Variants in SREK1 observed in about 807,000 individuals in gnomAD.
SREK1 encodes splicing regulatory glutamic acid and lysine rich protein 1, also known as splicing regulatory glutamine/lysine-rich protein 1.
A neutral mutation model predicts 66.5 loss-of-function variants in SREK1; 13 were observed. The ratio of observed to expected loss-of-function variants is 0.20; its 90% CI spans 0.13 to 0.31. The LOEUF is 0.31. SREK1 is among the 10% of genes least tolerant of loss of function. The pLI, the probability that SREK1 is intolerant of heterozygous loss-of-function variation, is 1.00. For synonymous variants in SREK1, 265 were observed against 263.5 expected (o/e 1.01, Z -0.05); for missense variants, 607 against 769.6 (o/e 0.79, Z 2.50).
chr5:66,163,724 A>C, intron 5 of SREK1, 68 bp from the exon 6 acceptor site: 1 of 1,511,368 alleles, frequency 6.6e-7, no homozygotes, highest in South Asian at 1.2e-5. Flanking sequence ...TGTGTATCAT[A>C]TAAATGTTTG....
At chr5:66,154,580 A>C (rs929016041) in intron 2 of SREK1, among the ~76,000 whole-genome samples, 12 of 152,324 alleles carry the variant, frequency 7.9e-5, no homozygotes, top group African/African-American at 2.9e-4. Context: ...ATAATATATA[A>C]TAAGCAGTTT....
chr5:66,170,244 T>C, intron 8 of SREK1, 74 bp downstream of exon 8: 1 of 1,476,602 alleles, frequency 6.8e-7, no homozygotes, highest in South Asian at 1.4e-5. Context: ...AATATTTTAA[T>C]TGGCTTCATT....
At chr5:66,175,874 T>G (rs1252232753) in intron 10 of SREK1, among the ~76,000 whole-genome samples, 6 of 152,194 alleles carry the variant, frequency 3.9e-5, no homozygotes, top group African/African-American at 1.4e-4. Flanking sequence ...ATAAATAACA[T>G]TCTCAGTTTG....
intron 9 of SREK1, 129 bp downstream of exon 9, chr5:66,171,076 C>A: frequency 8.8e-7 from 1 of 1,142,046 alleles, no homozygotes; most frequent in Non-Finnish European, 1.2e-6. Context: ...ACATTTTCTC[C>A]TAATTTCAGA....
intron 10 of SREK1, 186 bp from the exon 11 acceptor site, chr5:66,177,325 AACT>A (rs1425106553): frequency 6.7e-6 from 3 of 448,692 alleles, no homozygotes; most frequent in Non-Finnish European, 1.2e-5. Flanking sequence ...TTAAGAAACT[AACT>A]GGGGTAAGGG....
chr5:66,147,185 G>A (rs1743314743), intron 1 of SREK1, among the ~76,000 whole-genome samples: 1 of 152,164 alleles, frequency 6.6e-6, no homozygotes, highest in Admixed American at 6.5e-5. Flanking sequence ...TTTAAGGCTA[G>A]GGAATTCTTG....
rs145120426 is a variant in SREK1 at position 66,154,108 on chromosome 5, T to C, written c.295+512T>C. Among the ~76,000 whole-genome samples the C allele has an allele frequency of 4.2e-3, 646 of 152,278 alleles. 3 individuals carry two copies. The highest frequency in any genetic ancestry group is 0.015 in the African/African-American group (626 of 41,550). On this transcript the variant is annotated intron_variant, in intron 2 of 11. Transcript: ENST00000334121. Reference sequence around the variant, plus strand: ...TTTATATTCAATGTAATTGTTTGCTTTGCAACTGGAATTTAATGTTTTCTT... The same window carrying C: ...TTTATATTCAATGTAATTGTTTGCTCTGCAACTGGAATTTAATGTTTTCTT...
At chr5:66,144,666 CCCATATTTGATTAGGG>C in intron 1 of SREK1, 129 bp downstream of exon 1, 1 of 1,404,932 alleles carries the variant, frequency 7.1e-7, no homozygotes, top group Non-Finnish European at 9.3e-7. Context: ...TACCTTGGTG[CCCATATTTGATTAGGG>C]CACCCGGGTT....
chr5:66,169,232 T>A (rs1276542988), intron 7 of SREK1: 1 of 152,218 alleles, frequency 6.6e-6, no homozygotes, highest in Non-Finnish European at 1.5e-5. Flanking sequence ...CAGTTACTTT[T>A]CCTGCAATTA....
intron 7 of SREK1, chr5:66,169,227 A>C: frequency 4.6e-5 from 7 of 152,374 alleles, no homozygotes. Flanking sequence ...AATAACAGTT[A>C]CTTTTCCTGC....
intron 2 of SREK1, chr5:66,158,926 A>C (rs1277741451): frequency 1.5e-6 from 2 of 1,308,060 alleles, no homozygotes; most frequent in Non-Finnish European, 2.0e-6. Flanking sequence ...TTAAGTTTCC[A>C]GTACAGGTGA....
rs1006337576 is a variant in SREK1, at chr5:66,179,030, A to T, written c.*162A>T. 2 of 659,092 alleles carry T rather than the reference A, an allele frequency of 3.0e-6. No individual in the cohort carries two copies. The highest frequency in any genetic ancestry group is 9.8e-5 in the South Asian group (2 of 20,360). 40.8% of individuals were successfully genotyped at this position (659,092 alleles called of 1,614,324 possible). A position where few individuals can be genotyped will look rare whatever the true frequency, so the allele number is the denominator to read the frequency against. ...CTTTGTGGCCATCTTGTTATTGAGTAAGAAAATAAAGCATGGACATCATGA... is the reference window on the plus strand; with the variant it reads ...CTTTGTGGCCATCTTGTTATTGAGTTAGAAAATAAAGCATGGACATCATGA... On this transcript the variant is annotated 3_prime_UTR_variant, in exon 12 of 12. Coordinates refer to ENST00000334121, the MANE Select transcript of SREK1 (RefSeq NM_001077199.3).
intron 9 of SREK1, among the ~76,000 whole-genome samples, chr5:66,174,098 A>G (rs4700094): frequency 0.12 from 17,688 of 148,996 alleles, 1,299 homozygotes; most frequent in Admixed American, 0.22. Flanking sequence ...TTTTTTAGCT[A>G]TGTGGTCACT....
chr5:66,149,349 CAAAAA>C (rs59361484), intron 1 of SREK1, among the ~76,000 whole-genome samples: 2 of 142,228 alleles, frequency 1.4e-5, no homozygotes, highest in African/African-American at 5.1e-5. Context: ...AACTCTGTCT[CAAAAA>C]AAAAAGGAAA....
At chr5:66,171,485 A>G (rs1300356606) in intron 9 of SREK1, among the ~76,000 whole-genome samples, 1 of 152,164 alleles carries the variant, frequency 6.6e-6, no homozygotes, top group Non-Finnish European at 1.5e-5. Flanking sequence ...TAGCTTTACT[A>G]CCACCAGGTG....
chr5:66,154,100 T>G (rs1744082085), intron 2 of SREK1, among the ~76,000 whole-genome samples: 1 of 152,210 alleles, frequency 6.6e-6, no homozygotes, highest in South Asian at 2.1e-4. Flanking sequence ...TCAATGTAAT[T>G]GTTTGCTTTG....
chr5:66,166,373 T>C (rs1001725748), intron 7 of SREK1: 1 of 152,236 alleles, frequency 6.6e-6, no homozygotes, highest in African/African-American at 2.4e-5. Context: ...TGTTGTTTCT[T>C]TGATCATCTA....
chr5:66,152,987 C>A lies in SREK1; in HGVS notation c.162-476C>A, dbSNP rs75330742. 0.018 allele frequency among the ~76,000 whole-genome samples: 2,754 copies of A among 152,182 alleles called. 202 individuals are homozygous for A. The East Asian group carries it at 0.21, about 12-fold the overall frequency. ...GTCCAGCTCTGGTGTATGCAAAATA[C>A]CTCAATTTAAATTCCATACTACCTG... On this transcript the variant is annotated intron_variant, in intron 1 of 11. Transcript: ENST00000334121.
In SREK1 at chr5:66,182,942, A is replaced by G. The variant is rs7706313; in HGVS notation, c.*4074A>G. 6.6e-6 allele frequency: 1 copy of G among 152,182 alleles called. No individual in the cohort carries two copies. The highest frequency in any genetic ancestry group is 1.5e-5 in the Non-Finnish European group (1 of 68,044). The allele number at this position is 152,182 out of a possible 1,614,324, so 9.4% of individuals were successfully genotyped here. On this transcript the variant is annotated 3_prime_UTR_variant, in exon 12 of 12. Transcript: ENST00000334121. ...TTCAGTCAGTTGGATTTAGTAACTA[A>G]TAACTAGCTTTCTTCCATTCTAAGG...
Sources: allele counts gnomAD v4.1 joint callset (sites outside exome capture counted in the v4.1 genomes callset), GRCh38; gene constraint gnomAD v4.1.1; transcripts MANE v1.5; gene names NCBI Gene and HGNC (gene_info 2026-07-23, HGNC 2026-07-21).